Variants in CENPP observed in about 807,000 individuals in gnomAD.
CENPP encodes the protein centromere protein P.
A neutral mutation model predicts 35.6 loss-of-function variants in CENPP; 24 were observed. The observed-to-expected ratio is 0.67, with a 90% CI of 0.49 to 0.95. CENPP has a LOEUF of 0.95. CENPP is among the 40% of genes least tolerant of loss of function. CENPP has a pLI of 0.00. For synonymous variants in CENPP, 120 were observed against 125.5 expected, an observed-to-expected ratio of 0.96 and a Z score of 0.29; for missense variants, 332 against 345.3, an observed-to-expected ratio of 0.96 and a Z score of 0.31.
chr9:92,582,519 A>G (rs1323194744), intron 5 of CENPP, among the ~76,000 whole-genome samples: 1 of 152,172 alleles, frequency 6.6e-6, no homozygotes, highest in Non-Finnish European at 1.5e-5. Context: ...AATTCACTAA[A>G]ATAATTGCTT....
At chr9:92,386,332 T>C in intron 5 of CENPP, 2 of 1,316,366 alleles carry the variant, frequency 1.5e-6, no homozygotes, top group Middle Eastern at 3.7e-4. Flanking sequence ...TTATTGAGGT[T>C]CTGTACATTC....
At chr9:92,348,937 CAT>C (rs138271204) in intron 4 of CENPP, among the ~76,000 whole-genome samples, 5,027 of 152,232 alleles carry the variant, frequency 0.033, 116 homozygotes, top group South Asian at 0.08. Flanking sequence ...ATTAGTGTGT[CAT>C]GTGTGTGTGC....
At chr9:92,494,562 G>A (rs1012551804) in intron 5 of CENPP, among the ~76,000 whole-genome samples, 3 of 152,092 alleles carry the variant, frequency 2.0e-5, no homozygotes, top group African/African-American at 4.8e-5. Context: ...TGTTGTTCAT[G>A]TTATAATCTC....
chr9:92,459,921 C>T, intron 5 of CENPP: 1 of 614,016 alleles, frequency 1.6e-6, no homozygotes, highest in Non-Finnish European at 2.6e-6. Context: ...TAACCTACTT[C>T]AGTATGTAAC....
At chr9:92,385,959 T>C (rs1323752344) in intron 5 of CENPP, among the ~76,000 whole-genome samples, 1 of 152,196 alleles carries the variant, frequency 6.6e-6, no homozygotes, top group Non-Finnish European at 1.5e-5. Context: ...ACAAATACAA[T>C]CAAGAGCAGA....
Position 92,593,572 on chromosome 9 carries a change from G to C in CENPP, c.565-17742G>C, listed in dbSNP as rs1850711287. On this transcript the variant is annotated intron_variant, in intron 5 of 7. Coordinates refer to ENST00000375587, the MANE Select transcript of CENPP (RefSeq NM_001012267.3). The surrounding 1 kb of genome is among the most constrained non-coding windows in gnomAD (Gnocchi z 4.1). ...ATGATCTGTACAGAAATGAATAAAT[G>C]AAAGAGTGGTGTTTGCTACTCTTCT... is the stretch of plus-strand genomic sequence containing the variant. Among the ~76,000 whole-genome samples, 1 of 152,184 alleles carries C rather than the reference G, an allele frequency of 6.6e-6. No individual in the cohort carries two copies. Among genetic ancestry groups the C allele is most frequent in the South Asian group, 2.1e-4 (1 of 4,826 alleles).
At chr9:92,583,539 A>T (rs1850478090) in intron 5 of CENPP, among the ~76,000 whole-genome samples, 1 of 152,192 alleles carries the variant, frequency 6.6e-6, no homozygotes, top group Non-Finnish European at 1.5e-5. Flanking sequence ...TCATTCTTAA[A>T]CTAATATATG....
intron 4 of CENPP, among the ~76,000 whole-genome samples, chr9:92,374,066 C>T (rs1842069272): frequency 6.8e-6 from 1 of 146,180 alleles, no homozygotes; most frequent in South Asian, 2.1e-4. Flanking sequence ...CTGGCTTGGT[C>T]TACCCCCAGT....
intron 3 of CENPP, among the ~76,000 whole-genome samples, chr9:92,342,306 T>C (rs1338129363): frequency 6.6e-6 from 1 of 152,210 alleles, no homozygotes; most frequent in African/African-American, 2.4e-5. Context: ...GAAAAAAGTA[T>C]AAATAGAGGG....
intron 5 of CENPP, among the ~76,000 whole-genome samples, chr9:92,564,204 T>C (rs1849910468): frequency 6.6e-6 from 1 of 152,028 alleles, no homozygotes; most frequent in Non-Finnish European, 1.5e-5. Flanking sequence ...CTGGCCAACA[T>C]GGAGATACCC....
chr9:92,511,081 AC>A (rs1366098806), intron 5 of CENPP, among the ~76,000 whole-genome samples: 4 of 151,372 alleles, frequency 2.6e-5, no homozygotes, highest in African/African-American at 7.3e-5. Context: ...ACAAACATAA[AC>A]CCCTTTTCTC....
At chr9:92,570,725 G>C (rs1850115133) in intron 5 of CENPP, among the ~76,000 whole-genome samples, 1 of 152,116 alleles carries the variant, frequency 6.6e-6, no homozygotes. Flanking sequence ...TTTTTGGTTG[G>C]TAGGCTATTA....
At chr9:92,560,581 A>T (rs1849825531) in intron 5 of CENPP, among the ~76,000 whole-genome samples, 1 of 152,212 alleles carries the variant, frequency 6.6e-6, no homozygotes, top group African/African-American at 2.4e-5. Flanking sequence ...ATGGCAGTTT[A>T]TATAATCTTA....
intron 5 of CENPP, chr9:92,457,062 G>C (rs1588142642): frequency 7.7e-7 from 1 of 1,301,514 alleles, no homozygotes. Context: ...TCATTTGTAC[G>C]CAAAAAGAAA....
chr9:92,476,572 T>A lies in CENPP; in HGVS notation c.564+96713T>A, dbSNP rs1266539175. On this transcript the variant is annotated intron_variant, in intron 5 of 7. Coordinates refer to ENST00000375587, the MANE Select transcript of CENPP (RefSeq NM_001012267.3). The surrounding 1 kb of genome is among the most constrained non-coding windows in gnomAD (Gnocchi z 4.1). ...GGTATGTGTGATATTCCTGTGATAA[T>A]CCACACTAACTTATGCTAGGAAGGA... Among the ~76,000 whole-genome samples the A allele has an allele frequency of 1.3e-5, 2 of 152,146 alleles. No homozygotes were observed. Among genetic ancestry groups the A allele is most frequent in the African/African-American group, 4.8e-5 (2 of 41,426 alleles).
chr9:92,551,955 T>TATATATATG (rs1185838746), intron 5 of CENPP, among the ~76,000 whole-genome samples: 2 of 119,728 alleles, frequency 1.7e-5, no homozygotes, highest in Admixed American at 7.9e-5. Context: ...ATATATATGA[T>TATATATATG]ATATATATGT....
chr9:92,391,494 G>A (rs1023984071), intron 5 of CENPP, among the ~76,000 whole-genome samples: 1 of 152,030 alleles, frequency 6.6e-6, no homozygotes, highest in Non-Finnish European at 1.5e-5. Context: ...AGCTACTTGC[G>A]AGACTGAGGG....
chr9:92,487,033 C>G (rs182736327), intron 5 of CENPP, among the ~76,000 whole-genome samples: 1 of 152,168 alleles, frequency 6.6e-6, no homozygotes, highest in Non-Finnish European at 1.5e-5. Context: ...CTGCTCGCCT[C>G]GGCCTCCCAA....
At chr9:92,465,355 T>A (rs1375119318) in intron 5 of CENPP, among the ~76,000 whole-genome samples, 1 of 152,246 alleles carries the variant, frequency 6.6e-6, no homozygotes, top group Non-Finnish European at 1.5e-5. Context: ...TCAAAAAAGA[T>A]CATCCTTCAT....
Sources: allele counts gnomAD v4.1 joint callset (sites outside exome capture counted in the v4.1 genomes callset), GRCh38; gene constraint gnomAD v4.1.1; non-coding constraint Gnocchi (gnomAD v3.1); transcripts MANE v1.5; gene names NCBI Gene and HGNC (gene_info 2026-07-23, HGNC 2026-07-21).